Variants in PLD5 observed in about 807,000 individuals in gnomAD.
The protein encoded by PLD5 is inactive phospholipase D5.
In PLD5, 36 loss-of-function variants were observed where a neutral mutation model predicts 61.1. The ratio of observed to expected loss-of-function variants is 0.59; its 90% CI spans 0.45 to 0.78. The LOEUF is 0.78. Ranked by LOEUF, PLD5 falls within the 30% of genes least tolerant of loss-of-function variation. The probability of loss-of-function intolerance (pLI) is 0.00; values close to 1 mark genes in which losing one functional copy is unlikely to be tolerated. For synonymous variants in PLD5, 243 were observed against 242.8 expected, an observed-to-expected ratio of 1.00 and a Z score of -0.01; for missense variants, 515 against 644.4, an observed-to-expected ratio of 0.80 and a Z score of 2.17.
chr1:242,512,816 A>G (rs112917841), intron 1 of PLD5, among the ~76,000 whole-genome samples: 1 of 152,248 alleles, frequency 6.6e-6, no homozygotes, highest in East Asian at 1.9e-4. Flanking sequence ...GTGAATGCCT[A>G]ATCAGTAGTT....
In PLD5 at chr1:242,446,594, A is replaced by T. The variant is rs1029634116; in HGVS notation, c.189+77494T>A. On this transcript the variant is annotated intron_variant, in intron 1 of 9. Transcript: ENST00000536534. ...GATTCTATCTAAAAAGAAAAAAGAA[A>T]TTTAACTCCCTGTCTGAGCAACTTT... 9.2e-5 allele frequency among the ~76,000 whole-genome samples: 14 copies of T among 152,150 alleles called. No homozygotes were observed. In the South Asian group the frequency reaches 1.9e-3, roughly 20 times the overall value.
chr1:242,361,969 ATTT>A (rs1172656842), intron 1 of PLD5, among the ~76,000 whole-genome samples: 1 of 137,560 alleles, frequency 7.3e-6, no homozygotes. Context: ...ACCTCATCTC[ATTT>A]TTTTTTTTTT....
At chr1:242,518,059 C>T (rs149516138) in intron 1 of PLD5, among the ~76,000 whole-genome samples, 17 of 152,288 alleles carry the variant, frequency 1.1e-4, no homozygotes, top group African/African-American at 3.6e-4. Flanking sequence ...TATCACCCAA[C>T]GGTCATGACA....
chr1:242,323,780 A>T (rs1658574153), intron 2 of PLD5, among the ~76,000 whole-genome samples: 1 of 152,152 alleles, frequency 6.6e-6, no homozygotes, highest in Admixed American at 6.5e-5. Flanking sequence ...TTTTTACAAG[A>T]TTTTCACTCT....
chr1:242,162,383 T>C (rs1280579371), intron 5 of PLD5, among the ~76,000 whole-genome samples: 2 of 152,182 alleles, frequency 1.3e-5, no homozygotes, highest in African/African-American at 4.8e-5. Context: ...ATTTATCAGT[T>C]GAAAAGCCAC....
chr1:242,283,030 A>G (rs1196422242), intron 3 of PLD5, among the ~76,000 whole-genome samples: 1 of 152,204 alleles, frequency 6.6e-6, no homozygotes, highest in Non-Finnish European at 1.5e-5. Context: ...GAGACAAGAA[A>G]AACAAAGTGG....
chr1:242,388,374 G>A (rs1055044180), intron 1 of PLD5, among the ~76,000 whole-genome samples: 1 of 152,126 alleles, frequency 6.6e-6, no homozygotes, highest in African/African-American at 2.4e-5. Context: ...TTTTCCCCTA[G>A]CTACTTTCAC....
At chr1:242,520,300 G>A (rs1669238275) in intron 1 of PLD5, among the ~76,000 whole-genome samples, 1 of 152,206 alleles carries the variant, frequency 6.6e-6, no homozygotes, top group South Asian at 2.1e-4. Flanking sequence ...AATAGGCACA[G>A]GTGAGATATG....
intron 1 of PLD5, among the ~76,000 whole-genome samples, chr1:242,399,480 A>C (rs143493182): frequency 1.1e-3 from 166 of 152,330 alleles, no homozygotes; most frequent in African/African-American, 3.8e-3. Flanking sequence ...AAAATTAAGC[A>C]AGCGTATTCA....
At chr1:242,337,322 G>T (rs1409209650) in intron 2 of PLD5, among the ~76,000 whole-genome samples, 1 of 29,680 alleles carries the variant, frequency 3.4e-5, no homozygotes, top group Admixed American at 4.5e-4. Context: ...TGGCCTTTGA[G>T]AGTGTGGCTC....
At chr1:242,450,565 G>A (rs1666740207) in intron 1 of PLD5, among the ~76,000 whole-genome samples, 1 of 152,090 alleles carries the variant, frequency 6.6e-6, no homozygotes, top group Admixed American at 6.5e-5. Flanking sequence ...CTTCTTGTAT[G>A]GTTAGGCCTA....
chr1:242,311,265 A>G (rs1399012448), intron 2 of PLD5, among the ~76,000 whole-genome samples: 1 of 152,244 alleles, frequency 6.6e-6, no homozygotes, highest in Non-Finnish European at 1.5e-5. Flanking sequence ...GGTTGTGGTC[A>G]TATATGGCTA....
chr1:242,254,334 A>G (rs2149087050), intron 4 of PLD5, among the ~76,000 whole-genome samples: 1 of 140,876 alleles, frequency 7.1e-6, no homozygotes, highest in East Asian at 2.1e-4. Context: ...GGTTATTATT[A>G]TCCTCATTTA....
At chr1:242,446,894 A>G (rs553210400) in intron 1 of PLD5, among the ~76,000 whole-genome samples, 1 of 152,290 alleles carries the variant, frequency 6.6e-6, no homozygotes, top group Admixed American at 6.5e-5. Context: ...AGGTGGTTTC[A>G]GGAATGAGGG....
chr1:242,192,681 G>C (rs550359534), intron 5 of PLD5, among the ~76,000 whole-genome samples: 1 of 152,326 alleles, frequency 6.6e-6, no homozygotes, highest in Admixed American at 6.5e-5. Context: ...ACGGACAGAA[G>C]AGTTAGCGGA....
At chr1:242,123,495 C>A (rs889973712) in intron 6 of PLD5, among the ~76,000 whole-genome samples, 1 of 152,050 alleles carries the variant, frequency 6.6e-6, no homozygotes, top group Non-Finnish European at 1.5e-5. Context: ...CATTCACACT[C>A]GCTTACACTG....
chr1:242,306,078 C>T (rs1646494452), intron 2 of PLD5, among the ~76,000 whole-genome samples: 2 of 151,894 alleles, frequency 1.3e-5, no homozygotes, highest in East Asian at 3.9e-4. Flanking sequence ...GGGGCTCCAG[C>T]TTTGCCAGTC....
intron 4 of PLD5, among the ~76,000 whole-genome samples, chr1:242,231,163 AAAT>A (rs377320952): frequency 3.9e-5 from 6 of 152,360 alleles, no homozygotes; most frequent in African/African-American, 1.4e-4. Flanking sequence ...TTCTATTAAA[AAAT>A]AATAAGGTCT....
In PLD5 at chr1:242,113,889, C is replaced by T; in HGVS notation, c.1070+1G>A. 1 of 1,612,526 alleles carries T rather than the reference C, an allele frequency of 6.2e-7. No homozygotes were observed. Among genetic ancestry groups the T allele is most frequent in the Non-Finnish European group, 8.5e-7 (1 of 1,179,330 alleles). On this transcript the variant is annotated splice_donor_variant, in intron 7 of 9. Transcript: ENST00000536534. LOFTEE classifies it high-confidence loss of function. ...TAACCAGAGGCTGGGCATTCACTGA[C>T]CTTTTGGTGCTTGTGCTGGAGATAG...
Sources: gnomAD v4.1 joint callset for allele counts (sites outside exome capture counted in the v4.1 genomes callset) on GRCh38, gnomAD v4.1.1 for gene constraint, MANE v1.5 for transcripts, NCBI Gene and HGNC (gene_info 2026-07-23, HGNC 2026-07-21) for gene names.